Variants in ODAD2 observed in about 807,000 individuals in gnomAD.
ODAD2 encodes outer dynein arm-docking complex subunit 2.
ODAD2 carries 89 observed loss-of-function variants against 106.8 expected under a neutral mutation model. That is an observed-to-expected ratio of 0.83 (90% confidence interval 0.70 to 0.99). ODAD2 has a LOEUF of 0.99. Among genes scored for constraint, ODAD2 ranks in the 50% least tolerant of loss-of-function variants. ODAD2 has a pLI of 0.00. For synonymous variants in ODAD2, 404 were observed against 436.2 expected, an observed-to-expected ratio of 0.93 and a Z score of 0.92; for missense variants, 1,168 against 1,238.5, an observed-to-expected ratio of 0.94 and a Z score of 0.85.
At chr10:27,860,555 T>C in intron 19 of ODAD2, 70 bp downstream of exon 19, 1 of 1,430,742 alleles carries the variant, frequency 7.0e-7, no homozygotes, top group South Asian at 1.2e-5. Context: ...GAAATCTTAG[T>C]GATGCCTAAG....
Position 27,995,109 on chromosome 10 carries a change from T to C in ODAD2, c.34A>G (p.Thr12Ala), listed in dbSNP as rs765777908. ...GVALRKLTQWTAAGHGTGILE... is the reference protein window; with the variant it reads ...GVALRKLTQWAAAGHGTGILE... ...ATTCCAGTTCCATGTCCGGCAGCAG[T>C]CCACTGCGTCAATTTCCTCAGAGCC... The change falls in exon 2 of 20, where the codon ACT becomes GCT. Residue 12 changes from threonine (T) to alanine (A), a missense_variant. Physicochemically the swap from Thr to Ala is moderately conservative, Grantham distance 58 (BLOSUM62 0). Coordinates refer to ENST00000305242, the MANE Select transcript of ODAD2 (RefSeq NM_018076.5). The C allele has an allele frequency of 3.7e-6, 6 of 1,613,982 alleles. No individual in the cohort carries two copies. In the Admixed American group the frequency reaches 8.3e-5, roughly 22 times the overall value.
In ODAD2 at chr10:27,981,289, C is replaced by A. The variant is rs73606025; in HGVS notation, c.936+177G>T. On this transcript the variant is annotated intron_variant, in intron 7 of 19. Coordinates refer to ENST00000305242, the MANE Select transcript of ODAD2 (RefSeq NM_018076.5). ...TGTGAATGTAATTAATGCCATTGAACCCTGAACAATGATACTACATTTACA... is the reference window on the plus strand; with the variant it reads ...TGTGAATGTAATTAATGCCATTGAAACCTGAACAATGATACTACATTTACA... Among the ~76,000 whole-genome samples, 16,417 of 151,906 alleles carry A rather than the reference C, an allele frequency of 0.11. 1,216 individuals carry two copies. Among genetic ancestry groups the A allele is most frequent in the East Asian group, 0.28 (1,467 of 5,152 alleles).
intron 16 of ODAD2, among the ~76,000 whole-genome samples, chr10:27,912,378 T>C (rs1397986576): frequency 6.6e-6 from 1 of 152,112 alleles, no homozygotes; most frequent in Admixed American, 6.6e-5. Flanking sequence ...TCTAGAAAGA[T>C]GAATACATGT....
At chr10:27,985,710 A>G (rs1182059906) in intron 3 of ODAD2, among the ~76,000 whole-genome samples, 3 of 152,042 alleles carry the variant, frequency 2.0e-5, no homozygotes, top group African/African-American at 7.2e-5. Context: ...TTTTGCAAGT[A>G]TTCAAACAGC....
chr10:27,964,886 A>G (rs1274792236), intron 9 of ODAD2, among the ~76,000 whole-genome samples: 2 of 152,240 alleles, frequency 1.3e-5, no homozygotes, highest in East Asian at 3.8e-4. Flanking sequence ...AATATTTGCT[A>G]GAAGAATTAA....
At chr10:27,966,977 T>G (rs1393523455) in intron 9 of ODAD2, among the ~76,000 whole-genome samples, 1 of 147,804 alleles carries the variant, frequency 6.8e-6, no homozygotes, top group Non-Finnish European at 1.5e-5. Context: ...TTCCCTGGGT[T>G]TTCTTTTTGT....
intron 17 of ODAD2, among the ~76,000 whole-genome samples, chr10:27,902,025 A>C (rs1193123825): frequency 2.0e-5 from 3 of 152,156 alleles, no homozygotes. Flanking sequence ...ACCACATCAC[A>C]CTTATTCTAA....
rs532755252 is a variant in ODAD2 at position 27,940,759 on chromosome 10, G to C, written c.1790C>G (p.Ser597Trp). 5.6e-6 allele frequency: 9 copies of C among 1,613,974 alleles called. No individual in the cohort carries two copies. The highest frequency in any genetic ancestry group is 7.6e-6 in the Non-Finnish European group (9 of 1,180,002). Reference protein sequence around the residue: ...CAHDSTKPAQSSLYEARDVEV... With the variant: ...CAHDSTKPAQWSLYEARDVEV... ...CACGTCTCTGGCCTCATACAGACTC[G>C]ATTGGGCAGGTTTTGTGGAATCATG... Residue 597 changes from serine (S) to tryptophan (W), a missense_variant, in exon 13 of 20, where the codon TCG becomes TGG. This residue lies in a region of ODAD2 where 701 missense variants were observed against 712.3 expected (regional missense o/e 0.98). Transcript: ENST00000305242.
chr10:27,885,504 C>A (rs1484675551), intron 17 of ODAD2, among the ~76,000 whole-genome samples: 6 of 31,068 alleles, frequency 1.9e-4, no homozygotes, highest in African/African-American at 2.7e-4. Flanking sequence ...AGTGAGACTC[C>A]ATCTCAAAAA....
intron 18 of ODAD2, 74 bp from the exon 19 acceptor site, chr10:27,860,920 G>A (rs1839999923): frequency 7.7e-7 from 1 of 1,303,426 alleles, no homozygotes; most frequent in Non-Finnish European, 1.1e-6. Context: ...AGCACTTTAT[G>A]TTTATTAACC....
chr10:27,935,028 A>G lies in ODAD2; in HGVS notation c.2477T>C (p.Val826Ala), dbSNP rs1590064863. Residue 826 changes from valine to alanine, a missense_variant, in exon 16 of 20, where the codon GTA becomes GCA. Coordinates refer to ENST00000305242, the MANE Select transcript of ODAD2 (RefSeq NM_018076.5). The part of the protein sequence containing the change: ...NVTKAVGACA[V>A]EPESMMIIDR... ...CACTTACATCATACTTTCAGGTTCTACTGCACAAGCACCAACTGCTTTTGT... is the reference window on the plus strand; with the variant it reads ...CACTTACATCATACTTTCAGGTTCTGCTGCACAAGCACCAACTGCTTTTGT... 6.2e-7 allele frequency: 1 copy of G among 1,613,948 alleles called. No homozygotes were observed. Among genetic ancestry groups the G allele is most frequent in the Non-Finnish European group, 8.5e-7 (1 of 1,179,834 alleles).
chr10:27,961,156 C>A (rs1350646679), intron 10 of ODAD2, among the ~76,000 whole-genome samples: 2 of 152,102 alleles, frequency 1.3e-5, no homozygotes, highest in Admixed American at 6.5e-5. Flanking sequence ...TAATTTTATT[C>A]TATGGGTTGA....
intron 19 of ODAD2, among the ~76,000 whole-genome samples, chr10:27,859,088 G>A (rs961863012): frequency 2.0e-5 from 3 of 151,356 alleles, no homozygotes; most frequent in African/African-American, 7.3e-5. Flanking sequence ...CTTAGGTTGT[G>A]CAAGTCCCTG....
chr10:27,921,434 T>C (rs1348923448), intron 16 of ODAD2, among the ~76,000 whole-genome samples: 5 of 152,092 alleles, frequency 3.3e-5, no homozygotes. Context: ...AGACTTTTAG[T>C]ATGTTTTGAA....
At chr10:27,869,998 T>C (rs1285183799) in intron 17 of ODAD2, among the ~76,000 whole-genome samples, 1 of 152,050 alleles carries the variant, frequency 6.6e-6, no homozygotes, top group Non-Finnish European at 1.5e-5. Flanking sequence ...AAGTAAAATA[T>C]ATATATATAT....
chr10:27,850,376 C>CAG (rs910174803), intron 19 of ODAD2, among the ~76,000 whole-genome samples: 10 of 143,260 alleles, frequency 7.0e-5, no homozygotes, highest in African/African-American at 2.6e-4. Context: ...ACCTGGGAGG[C>CAG]AGAGCTTGCA....
At chr10:27,934,556 G>A (rs1241514890) in intron 16 of ODAD2, among the ~76,000 whole-genome samples, 2 of 151,442 alleles carry the variant, frequency 1.3e-5, no homozygotes, top group Non-Finnish European at 2.9e-5. Flanking sequence ...AGACAATAAG[G>A]AGCAACACCA....
chr10:27,924,578 A>T (rs924101502), intron 16 of ODAD2, among the ~76,000 whole-genome samples: 27 of 148,390 alleles, frequency 1.8e-4, no homozygotes, highest in African/African-American at 6.6e-4. Context: ...AAAAAATTCA[A>T]AATAGAGAAA....
At chr10:27,929,393 T>C (rs1845462930) in intron 16 of ODAD2, among the ~76,000 whole-genome samples, 1 of 152,154 alleles carries the variant, frequency 6.6e-6, no homozygotes, top group African/African-American at 2.4e-5. Context: ...ATGACTTTGT[T>C]TTGATTTTTG....
Sources: allele counts gnomAD v4.1 joint callset (sites outside exome capture counted in the v4.1 genomes callset), GRCh38; gene constraint gnomAD v4.1.1; regional missense constraint gnomAD v4.1.1; transcripts MANE v1.5; gene names NCBI Gene and HGNC (gene_info 2026-07-23, HGNC 2026-07-21).